Variants in EXOC4 observed in about 807,000 individuals in gnomAD.
The protein encoded by EXOC4 is SEC8-like 1.
EXOC4 carries 71 observed loss-of-function variants against 107.2 expected under a neutral mutation model. That is an observed-to-expected ratio of 0.66 (90% CI 0.55 to 0.81). The LOEUF is 0.81. EXOC4 is among the 30% of genes least tolerant of loss of function. The pLI, the probability that EXOC4 is intolerant of heterozygous loss-of-function variation, is 0.00. For missense variants in EXOC4, 1,108 were observed against 1,189.6 expected (o/e 0.93, Z 1.01); for synonymous variants, 456 against 441.2 (o/e 1.03, Z -0.42).
intron 17 of EXOC4, among the ~76,000 whole-genome samples, chr7:134,046,435 A>G (rs1047610350): frequency 1.3e-5 from 2 of 151,638 alleles, no homozygotes; most frequent in African/African-American, 4.8e-5. Context: ...GTACCACTGC[A>G]TTCTAGCCAG....
At chr7:133,688,853 C>G (rs1794362173) in intron 10 of EXOC4, among the ~76,000 whole-genome samples, 1 of 152,054 alleles carries the variant, frequency 6.6e-6, no homozygotes, top group Non-Finnish European at 1.5e-5. Flanking sequence ...CCAATGGTAT[C>G]TCATCTACTA....
rs539797603 is a variant in EXOC4 at position 133,615,211 on chromosome 7, ACTT to A, written c.1418-14828_1418-14826del. Among the ~76,000 whole-genome samples, 272 of 150,164 alleles carry A rather than the reference ACTT, an allele frequency of 1.8e-3. 1 individual carries two copies. Among genetic ancestry groups the A allele is most frequent in the African/African-American group, 6.2e-3 (253 of 40,786 alleles). On this transcript the variant is annotated intron_variant, in intron 9 of 17. Transcript: ENST00000253861. ...CCCTTCTACTTTCCCCACCTCCTCCACTTCTTCTGTCTCTTCCACTCCTGAGAC... is the reference window on the plus strand; with the variant it reads ...CCCTTCTACTTTCCCCACCTCCTCCACTTCTGTCTCTTCCACTCCTGAGAC...
chr7:133,282,723 T>C (rs1050765401), intron 2 of EXOC4, among the ~76,000 whole-genome samples: 3 of 152,204 alleles, frequency 2.0e-5, no homozygotes, highest in Admixed American at 1.3e-4. Flanking sequence ...CACTGTGGAA[T>C]GGCTAAACCA....
intron 3 of EXOC4, among the ~76,000 whole-genome samples, chr7:133,289,432 A>G (rs1794355401): frequency 6.6e-6 from 1 of 152,238 alleles, no homozygotes; most frequent in Admixed American, 6.5e-5. Flanking sequence ...ATCCCATTTT[A>G]AACAATGAAA....
chr7:133,493,637 C>G (rs528899010), intron 9 of EXOC4, among the ~76,000 whole-genome samples: 1 of 152,174 alleles, frequency 6.6e-6, no homozygotes, highest in East Asian at 1.9e-4. Flanking sequence ...TTAGAATGGT[C>G]CCTAGAAACT....
intron 14 of EXOC4, among the ~76,000 whole-genome samples, chr7:133,987,337 C>T (rs1585302485): frequency 2.1e-5 from 2 of 96,504 alleles, no homozygotes. Flanking sequence ...TGGTGCTCAC[C>T]TGTAATCCCA....
rs369312406 is a variant in EXOC4 at position 133,356,540 on chromosome 7, G to A, written c.974G>A (p.Arg325Gln). Residue 325 changes from arginine to glutamine, a missense_variant, in exon 6 of 18, where the codon CGG (arginine) becomes CAG (glutamine). Coordinates refer to ENST00000253861, the MANE Select transcript of EXOC4 (RefSeq NM_021807.4). Reference sequence around the variant, plus strand: ...CAGGTGGCAGACAGTGGCTATCAGCGGGGGGAGAACGTTACTGTGGAGAAC... The same window carrying A: ...CAGGTGGCAGACAGTGGCTATCAGCAGGGGGAGAACGTTACTGTGGAGAAC... Reference protein sequence around the residue: ...TTQVADSGYQRGENVTVENQP... With the variant: ...TTQVADSGYQQGENVTVENQP... 9.3e-6 allele frequency: 15 copies of A among 1,613,868 alleles called. No homozygotes were observed. In the Admixed American group the frequency reaches 1.2e-4, roughly 13 times the overall value.
At chr7:133,402,505 T>C (rs1797113119) in intron 7 of EXOC4, among the ~76,000 whole-genome samples, 1 of 152,194 alleles carries the variant, frequency 6.6e-6, no homozygotes, top group South Asian at 2.1e-4. Flanking sequence ...TTCATTCATT[T>C]ATTTATTTTT....
intron 9 of EXOC4, among the ~76,000 whole-genome samples, chr7:133,577,061 T>G (rs528616222): frequency 6.6e-6 from 1 of 152,148 alleles, no homozygotes; most frequent in South Asian, 2.1e-4. Context: ...AGCTTCAACA[T>G]AGCAGTCTTT....
intron 14 of EXOC4, among the ~76,000 whole-genome samples, chr7:133,978,712 A>G (rs922573268): frequency 5.3e-5 from 8 of 152,232 alleles, no homozygotes. Flanking sequence ...GCGAGGAAGC[A>G]GCTGTCTGCA....
chr7:133,691,451 T>C (rs939345000), intron 10 of EXOC4, among the ~76,000 whole-genome samples: 1 of 152,248 alleles, frequency 6.6e-6, no homozygotes, highest in African/African-American at 2.4e-5. Flanking sequence ...GTAATGCGTA[T>C]ATTTTTAACA....
At chr7:133,285,668 C>G (rs935157057) in intron 2 of EXOC4, among the ~76,000 whole-genome samples, 1 of 151,690 alleles carries the variant, frequency 6.6e-6, no homozygotes, top group African/African-American at 2.4e-5. Flanking sequence ...GTCTTTTTGA[C>G]TTCCATTTTC....
chr7:134,039,588 T>C (rs1219034976), intron 17 of EXOC4, among the ~76,000 whole-genome samples: 1 of 152,182 alleles, frequency 6.6e-6, no homozygotes, highest in East Asian at 1.9e-4. Flanking sequence ...CTGCCCTCCA[T>C]CATAGTCCTC....
In EXOC4 at chr7:133,483,468, T is replaced by G. The variant is rs1268984840; in HGVS notation, c.1417+3330T>G. The stretch of plus-strand genomic sequence containing the variant: ...ACAGAGGAATTTTACTCTGTGAGGA[T>G]GGTTAATGGAGAAATCACTACAATC... On this transcript the variant is annotated intron_variant, in intron 9 of 17. Coordinates refer to ENST00000253861, the MANE Select transcript of EXOC4 (RefSeq NM_021807.4). 2.6e-5 allele frequency among the ~76,000 whole-genome samples: 4 copies of G among 152,228 alleles called. No individual in the cohort carries two copies. The East Asian group carries it at 7.7e-4, about 29-fold the overall frequency.
chr7:133,656,081 G>GTA (rs1803287019), intron 10 of EXOC4, among the ~76,000 whole-genome samples: 1 of 152,076 alleles, frequency 6.6e-6, no homozygotes, highest in African/African-American at 2.4e-5. Context: ...GACCACCATG[G>GTA]TATATATAAG....
At chr7:133,884,603 G>GTA in intron 11 of EXOC4, among the ~76,000 whole-genome samples, 1 of 151,600 alleles carries the variant, frequency 6.6e-6, no homozygotes, top group East Asian at 1.9e-4. Context: ...GTGTGTGTGT[G>GTA]TGTGTGTGTG....
At chr7:133,763,933 G>GT (rs1032060777) in intron 10 of EXOC4, among the ~76,000 whole-genome samples, 7 of 152,054 alleles carry the variant, frequency 4.6e-5, no homozygotes, top group African/African-American at 1.7e-4. Context: ...GCATATGAAA[G>GT]TGTCTTAGTC....
intron 10 of EXOC4, among the ~76,000 whole-genome samples, chr7:133,787,943 C>T (rs1796609523): frequency 9.4e-6 from 1 of 106,734 alleles, no homozygotes; most frequent in African/African-American, 3.3e-5. Context: ...TACTTCTTCC[C>T]TGTGCATATA....
the EXOC4 span, among the ~76,000 whole-genome samples, chr7:134,073,169 G>A: frequency 0.012 from 1,469 of 117,670 alleles, 39 homozygotes; most frequent in African/African-American, 0.047. Context: ...CCATGCCATT[G>A]CACTCCAGCC....
Sources: allele counts gnomAD v4.1 joint callset (sites outside exome capture counted in the v4.1 genomes callset), GRCh38; gene constraint gnomAD v4.1.1; transcripts MANE v1.5; gene names NCBI Gene and HGNC (gene_info 2026-07-23, HGNC 2026-07-21).